The following ADAM12 variants were observed in gnomAD, a reference collection of about 807,000 sequenced individuals.
ADAM12 encodes disintegrin and metalloproteinase domain-containing protein 12.
Under a neutral mutation model 106.4 loss-of-function variants are expected in ADAM12, and 70 were observed. The ratio of observed to expected loss-of-function variants is 0.66; its 90% CI spans 0.54 to 0.80. The LOEUF is 0.80. ADAM12 is among the 30% of genes least tolerant of loss of function. The pLI is 0.00. For missense variants in ADAM12, 1,010 were observed against 1,171.9 expected (o/e 0.86, Z 2.02); for synonymous variants, 420 against 433.5 (o/e 0.97, Z 0.39).
intron 8 of ADAM12, among the ~76,000 whole-genome samples, chr10:126,107,180 CCTT>C (rs748758860): frequency 6.6e-6 from 1 of 152,192 alleles, no homozygotes; most frequent in East Asian, 1.9e-4. Flanking sequence ...CACACATACT[CCTT>C]CTTCTGCTAT....
chr10:126,123,719 G>T (rs3824640), intron 5 of ADAM12, among the ~76,000 whole-genome samples: 2,083 of 152,322 alleles, frequency 0.014, 117 homozygotes, highest in Admixed American at 0.093. Flanking sequence ...CCGGGCTTGG[G>T]CCTCTCAACC....
At chr10:126,326,572 C>G (rs1368130255) in intron 2 of ADAM12, among the ~76,000 whole-genome samples, 2 of 152,188 alleles carry the variant, frequency 1.3e-5, no homozygotes, top group Admixed American at 1.3e-4. Context: ...GCCTCCCTCT[C>G]CTTCCTGGAC....
chr10:126,057,215 C>T (rs562131418), intron 14 of ADAM12, among the ~76,000 whole-genome samples: 6 of 46,578 alleles, frequency 1.3e-4, no homozygotes, highest in African/African-American at 4.6e-4. Flanking sequence ...ATGATGAGCC[C>T]GGGGTCGGGG....
At chr10:126,307,899 C>T (rs1960920000) in intron 2 of ADAM12, among the ~76,000 whole-genome samples, 1 of 152,206 alleles carries the variant, frequency 6.6e-6, no homozygotes, top group Non-Finnish European at 1.5e-5. Context: ...GGCCCTCATG[C>T]CTGCTTTTGA....
At chr10:126,143,627 G>A (rs1165887424) in intron 4 of ADAM12, among the ~76,000 whole-genome samples, 1 of 150,592 alleles carries the variant, frequency 6.6e-6, no homozygotes, top group Non-Finnish European at 1.5e-5. Flanking sequence ...GTGCGTGGGT[G>A]TGTGTATACA....
chr10:126,159,960 C>T (rs957257845), intron 3 of ADAM12, among the ~76,000 whole-genome samples: 2 of 152,178 alleles, frequency 1.3e-5, no homozygotes, highest in Non-Finnish European at 2.9e-5. Context: ...GGGGCTTGTG[C>T]TTACAGCCCT....
chr10:126,105,778 C>T (rs1280427413), intron 8 of ADAM12, among the ~76,000 whole-genome samples: 7 of 152,254 alleles, frequency 4.6e-5, no homozygotes. Context: ...CCTTCATCCC[C>T]CCTGCCAGGA....
intron 1 of ADAM12, among the ~76,000 whole-genome samples, chr10:126,341,137 T>A (rs1854914435): frequency 6.6e-6 from 1 of 152,138 alleles, no homozygotes; most frequent in Non-Finnish European, 1.5e-5. Flanking sequence ...CTTCCCTATT[T>A]AAATACTTTT....
chr10:126,224,588 C>T (rs1396888828), intron 3 of ADAM12, among the ~76,000 whole-genome samples: 9 of 152,194 alleles, frequency 5.9e-5, no homozygotes, highest in Non-Finnish European at 2.9e-5. Context: ...TTGCACGGCC[C>T]TTGTCACGAA....
chr10:126,063,536 G>A (rs567745581), intron 14 of ADAM12, among the ~76,000 whole-genome samples: 6 of 152,222 alleles, frequency 3.9e-5, no homozygotes, highest in South Asian at 4.1e-4. Context: ...TTTCCCTCCC[G>A]CTAGAGATCC....
At chr10:126,223,578 T>A (rs1040925179) in intron 3 of ADAM12, among the ~76,000 whole-genome samples, 8 of 152,234 alleles carry the variant, frequency 5.3e-5, no homozygotes, top group African/African-American at 1.9e-4. Flanking sequence ...GCAAGCAATG[T>A]TAGGAGAACA....
intron 21 of ADAM12, among the ~76,000 whole-genome samples, chr10:126,034,917 A>ACTT: frequency 6.6e-6 from 1 of 152,204 alleles, no homozygotes; most frequent in Non-Finnish European, 1.5e-5. Context: ...GAGACATGAC[A>ACTT]TAATGATAAA....
intron 1 of ADAM12, among the ~76,000 whole-genome samples, chr10:126,340,193 TG>T (rs1854874192): frequency 6.6e-6 from 1 of 152,184 alleles, no homozygotes; most frequent in Non-Finnish European, 1.5e-5. Context: ...TGACCCATAA[TG>T]GACACATTCT....
At chr10:126,100,056 T>G (rs1033081160) in intron 9 of ADAM12, among the ~76,000 whole-genome samples, 7 of 152,178 alleles carry the variant, frequency 4.6e-5, no homozygotes, top group Non-Finnish European at 7.3e-5. Context: ...TTGCCTTAGT[T>G]TATCATCTTC....
At chr10:126,262,929 G>A (rs1959029702) in intron 3 of ADAM12, among the ~76,000 whole-genome samples, 1 of 152,162 alleles carries the variant, frequency 6.6e-6, no homozygotes, top group Non-Finnish European at 1.5e-5. Flanking sequence ...TCCCCCAGAT[G>A]AGGAATCTCA....
intron 3 of ADAM12, among the ~76,000 whole-genome samples, chr10:126,271,686 G>C (rs1475940625): frequency 6.6e-6 from 1 of 152,188 alleles, no homozygotes; most frequent in African/African-American, 2.4e-5. Context: ...GATCACCTGA[G>C]CCCAGAGCAG....
chr10:126,241,565 G>C (rs1958524312), intron 3 of ADAM12, among the ~76,000 whole-genome samples: 1 of 152,146 alleles, frequency 6.6e-6, no homozygotes. Context: ...TTGGGCCAAT[G>C]TTCAATTTTC....
intron 2 of ADAM12, among the ~76,000 whole-genome samples, chr10:126,325,219 A>C (rs896001580): frequency 3.3e-5 from 5 of 152,260 alleles, no homozygotes; most frequent in Non-Finnish European, 7.3e-5. Context: ...GGGTATCAAG[A>C]TAAGTAAGAT....
At chr10:126,221,515 T>C (rs1188289365) in intron 3 of ADAM12, among the ~76,000 whole-genome samples, 1 of 152,236 alleles carries the variant, frequency 6.6e-6, no homozygotes, top group Non-Finnish European at 1.5e-5. Context: ...TCTCAGGTTA[T>C]TGACTTGTGG....
Sources: gnomAD v4.1 joint callset for allele counts (sites outside exome capture counted in the v4.1 genomes callset) on GRCh38, gnomAD v4.1.1 for gene constraint, MANE v1.5 for transcripts, NCBI Gene and HGNC (gene_info 2026-07-23, HGNC 2026-07-21) for gene names.